The following SEMA5A variants were observed in gnomAD, a reference collection of about 807,000 sequenced individuals.
The protein encoded by SEMA5A is semaphorin-5A.
A neutral mutation model predicts 135.5 loss-of-function variants in SEMA5A; 55 were observed. The observed-to-expected ratio is 0.41, with a 90% confidence interval of 0.33 to 0.51. The LOEUF is 0.51. SEMA5A is among the 20% of genes least tolerant of loss of function. The pLI is 0.37. For synonymous variants in SEMA5A, 580 were observed against 546.5 expected (o/e 1.06, Z -0.85); for missense variants, 1,290 against 1,419.9 (o/e 0.91, Z 1.47).
intron 2 of SEMA5A, among the ~76,000 whole-genome samples, chr5:9,385,655 G>A (rs1186398799): frequency 6.6e-6 from 1 of 152,114 alleles, no homozygotes; most frequent in African/African-American, 2.4e-5. Context: ...TCCCATGCAT[G>A]CCACAGCAGG....
chr5:9,246,574 G>A (rs772148252), intron 5 of SEMA5A, among the ~76,000 whole-genome samples: 15 of 152,226 alleles, frequency 9.9e-5, no homozygotes, highest in Non-Finnish European at 1.5e-4. Context: ...TGTTTTATCT[G>A]ATGTAACATT....
chr5:9,154,300 G>C (rs1442664757), intron 12 of SEMA5A, among the ~76,000 whole-genome samples, 188 bp downstream of exon 12: 2 of 151,660 alleles, frequency 1.3e-5, no homozygotes, highest in African/African-American at 4.8e-5. Flanking sequence ...GAGGAGAACT[G>C]GTGGGTTATT....
At chr5:9,146,532 A>G (rs1293248085) in intron 12 of SEMA5A, among the ~76,000 whole-genome samples, 1 of 152,218 alleles carries the variant, frequency 6.6e-6, no homozygotes, top group Non-Finnish European at 1.5e-5. Flanking sequence ...TTTAAAAAAT[A>G]ATTGGAGAGG....
intron 13 of SEMA5A, among the ~76,000 whole-genome samples, chr5:9,129,604 T>C (rs1314177568): frequency 6.6e-6 from 1 of 152,234 alleles, no homozygotes; most frequent in Non-Finnish European, 1.5e-5. Flanking sequence ...TTTCTTAGGC[T>C]TCCTTAAACA....
chr5:9,436,578 C>G (rs1232795227), intron 2 of SEMA5A, among the ~76,000 whole-genome samples: 1 of 152,126 alleles, frequency 6.6e-6, no homozygotes, highest in African/African-American at 2.4e-5. Flanking sequence ...GAATGGTCAC[C>G]AATTATTCAG....
chr5:9,102,708 A>G (rs1174965180), intron 16 of SEMA5A, among the ~76,000 whole-genome samples: 1 of 152,188 alleles, frequency 6.6e-6, no homozygotes, highest in Non-Finnish European at 1.5e-5. Context: ...ATTAAGAACA[A>G]TACAATTATT....
At chr5:9,143,657 T>A (rs537227050) in intron 12 of SEMA5A, among the ~76,000 whole-genome samples, 31 of 152,300 alleles carry the variant, frequency 2.0e-4, no homozygotes, top group African/African-American at 7.5e-4. Context: ...AGTGATGGGA[T>A]TAGATAGAGC....
chr5:9,295,866 C>A (rs1315723286), intron 5 of SEMA5A, among the ~76,000 whole-genome samples: 1 of 152,124 alleles, frequency 6.6e-6, no homozygotes, highest in Non-Finnish European at 1.5e-5. Context: ...TGTTATATAT[C>A]TTCAGAGAAT....
At chr5:9,274,459 C>T (rs896531490) in intron 5 of SEMA5A, among the ~76,000 whole-genome samples, 1 of 152,138 alleles carries the variant, frequency 6.6e-6, no homozygotes, top group Non-Finnish European at 1.5e-5. Context: ...AGGACTTGAA[C>T]TCAGCTCTGG....
chr5:9,217,743 C>T lies in SEMA5A; in HGVS notation c.646+6931G>A, dbSNP rs113623555. Among the ~76,000 whole-genome samples the T allele has an allele frequency of 7.5e-3, 1,140 of 152,270 alleles. 15 individuals are homozygous for T. The highest frequency in any genetic ancestry group is 0.026 in the African/African-American group (1,088 of 41,546). Reference sequence around the variant, plus strand: ...TGTCTTATTTCACAGAACCAGTCTTCAAGCTCTGAGATTCTTTCCTCAGCT... The same window carrying T: ...TGTCTTATTTCACAGAACCAGTCTTTAAGCTCTGAGATTCTTTCCTCAGCT... On this transcript the variant is annotated intron_variant, in intron 8 of 22. Transcript: ENST00000382496.
intron 11 of SEMA5A, among the ~76,000 whole-genome samples, chr5:9,159,418 A>T (rs191234865): frequency 1.5e-4 from 23 of 152,318 alleles, no homozygotes; most frequent in African/African-American, 4.3e-4. Context: ...CTGGAGGGCA[A>T]TGAAAAGAAA....
chr5:9,221,517 T>C (rs954424306), intron 8 of SEMA5A, among the ~76,000 whole-genome samples: 1 of 151,818 alleles, frequency 6.6e-6, no homozygotes, highest in Non-Finnish European at 1.5e-5. Context: ...TTAGCCAGGA[T>C]GGTCTCGATC....
chr5:9,193,525 C>G (rs1745225306), intron 10 of SEMA5A, among the ~76,000 whole-genome samples: 1 of 152,164 alleles, frequency 6.6e-6, no homozygotes, highest in Non-Finnish European at 1.5e-5. Flanking sequence ...GGTGGTCAAG[C>G]CCACAATCAC....
intron 4 of SEMA5A, 59 bp downstream of exon 4, chr5:9,337,654 G>A: frequency 1.8e-6 from 2 of 1,102,642 alleles, no homozygotes; most frequent in South Asian, 1.3e-5. Flanking sequence ...ACATGTAACT[G>A]CACAGATGTA....
chr5:9,100,940 T>C (rs1432596743), intron 16 of SEMA5A, among the ~76,000 whole-genome samples: 1 of 152,114 alleles, frequency 6.6e-6, no homozygotes, highest in Non-Finnish European at 1.5e-5. Context: ...ACTGTATGCA[T>C]TGCCTTTGGA....
At chr5:9,460,474 GAATT>G (rs1435323277) in intron 1 of SEMA5A, among the ~76,000 whole-genome samples, 4 of 151,972 alleles carry the variant, frequency 2.6e-5, no homozygotes, top group African/African-American at 4.8e-5. Flanking sequence ...TCATATTTAT[GAATT>G]AATTTAAACA....
At chr5:9,136,061 A>G (rs1741723179) in intron 13 of SEMA5A, among the ~76,000 whole-genome samples, 2 of 152,168 alleles carry the variant, frequency 1.3e-5, no homozygotes, top group Admixed American at 1.3e-4. Context: ...TTGGCCCCAC[A>G]TGAAGGTGAA....
At chr5:9,232,094 C>T (rs1747661461) in intron 6 of SEMA5A, among the ~76,000 whole-genome samples, 1 of 152,172 alleles carries the variant, frequency 6.6e-6, no homozygotes, top group South Asian at 2.1e-4. Flanking sequence ...CACTTGGTCT[C>T]AAGGACACAA....
At chr5:9,365,247 A>C (rs1037261590) in intron 3 of SEMA5A, among the ~76,000 whole-genome samples, 1 of 152,250 alleles carries the variant, frequency 6.6e-6, no homozygotes, top group African/African-American at 2.4e-5. Context: ...GGGCAAGGCT[A>C]GTAAGTACCT....
Sources: allele counts gnomAD v4.1 joint callset (sites outside exome capture counted in the v4.1 genomes callset), GRCh38; gene constraint gnomAD v4.1.1; transcripts MANE v1.5; gene names NCBI Gene and HGNC (gene_info 2026-07-23, HGNC 2026-07-21).